The following SIRT6 variants were observed in gnomAD, a reference collection of about 807,000 sequenced individuals.
The protein encoded by SIRT6 is NAD-dependent protein deacylase sirtuin-6.
In SIRT6, 21 loss-of-function variants were observed where a neutral mutation model predicts 33.6. That is an observed-to-expected ratio of 0.62 (90% CI 0.44 to 0.90). The LOEUF is 0.90. SIRT6 is among the 40% of genes least tolerant of loss of function. The pLI is 0.00. For missense variants in SIRT6, 504 were observed against 510.6 expected (o/e 0.99, Z 0.12); for synonymous variants, 221 against 223.9 (o/e 0.99, Z 0.12).
rs1463897144 is a variant in SIRT6, at chr19:4,174,375, A to G, written c.*242T>C. 1.0e-5 allele frequency: 4 copies of G among 395,580 alleles called. No individual in the cohort carries two copies. The highest frequency in any genetic ancestry group is 1.8e-5 in the Non-Finnish European group (4 of 223,932). The allele number at this position is 395,580 out of a possible 1,614,324, so 24.5% of individuals were successfully genotyped here. On this transcript the variant is annotated 3_prime_UTR_variant, in exon 8 of 8. Transcript: ENST00000337491. This position sits in a 1 kb window ranked among gnomAD's most constrained non-coding sequence, Gnocchi z 4.2. ...TCACCTCTGGACAACACAGCAAGTC[A>G]GAGGCTGGGGTGTGGCAGGGGCTCA...
rs1754089206 is a variant in SIRT6, at chr19:4,174,376, G to A, written c.*241C>T. 2 of 400,656 alleles carry A rather than the reference G, an allele frequency of 5.0e-6. No homozygotes were observed. Among genetic ancestry groups the A allele is most frequent in the Admixed American group, 4.0e-5 (1 of 24,754 alleles). 24.8% of individuals were successfully genotyped at this position (400,656 alleles called of 1,614,324 possible). ...CACCTCTGGACAACACAGCAAGTCA[G>A]AGGCTGGGGTGTGGCAGGGGCTCAC... On this transcript the variant is annotated 3_prime_UTR_variant, in exon 8 of 8. Transcript: ENST00000337491. This position sits in a 1 kb window ranked among gnomAD's most constrained non-coding sequence, Gnocchi z 4.2.
Position 4,174,687 on chromosome 19 carries a change from C to T in SIRT6, c.998G>A (p.Arg333Gln), listed in dbSNP as rs571169753. Residue 333 changes from arginine (R) to glutamine (Q), a missense_variant, in exon 8 of 8, where the codon CGG becomes CAG. Coordinates refer to ENST00000337491, the MANE Select transcript of SIRT6 (RefSeq NM_016539.4). The surrounding 1 kb of genome is among the most constrained non-coding windows in gnomAD (Gnocchi z 4.2). ...GGGGGCAGGGCTGGTGGGCCGCTCC[C>T]GTTTGGGGCTGGCGGGCTCTGAGCC... ...HNGSEPASPK[R>Q]ERPTSPAPHR... The T allele has an allele frequency of 6.2e-6, 9 of 1,461,778 alleles. No homozygotes were observed. The highest frequency in any genetic ancestry group is 4.9e-5 in the East Asian group (2 of 40,508). 90.6% of individuals were successfully genotyped at this position (1,461,778 alleles called of 1,614,324 possible).
chr19:4,182,466 G>C lies in SIRT6; in HGVS notation c.66+8C>G. ...GGCGCGATGCTCGGGACCCTCAGAC[G>C]CGCTCACCTCCGGGAGGCCGCACTT... On this transcript the variant is annotated splice_region_variant and intron_variant, in intron 1 of 7. Transcript: ENST00000337491. The C allele has an allele frequency of 6.2e-7, 1 of 1,607,748 alleles. No homozygotes were observed.
intron 6 of SIRT6, 67 bp downstream of exon 6, chr19:4,175,613 C>T: frequency 7.2e-7 from 1 of 1,385,230 alleles, no homozygotes; most frequent in Middle Eastern, 2.5e-4. Context: ...CATGCTGGAG[C>T]TGGCTGTGTT....
In SIRT6 at chr19:4,180,896, G is replaced by A. The variant is rs200217515; in HGVS notation, c.80C>T (p.Pro27Leu). The A allele has an allele frequency of 1.2e-5, 19 of 1,611,040 alleles. No individual in the cohort carries two copies. Among genetic ancestry groups the A allele is most frequent in the South Asian group, 2.2e-5 (2 of 90,718 alleles). ...CCACACCTTCCGCTCCAGCTCCTCC[G>A]GGGGGTCGAAGATCTGTGGGGGGAG... is the stretch of plus-strand genomic sequence containing the variant. ...KCGLPEIFDPPEELERKVWEL... is the reference protein window; with the variant it reads ...KCGLPEIFDPLEELERKVWEL... Residue 27 changes from proline (P) to leucine (L), a missense_variant, in exon 2 of 8, where the codon CCG becomes CTG. Physicochemically the swap from Pro to Leu is moderately conservative, Grantham distance 98. Coordinates refer to ENST00000337491, the MANE Select transcript of SIRT6 (RefSeq NM_016539.4).
At chr19:4,175,645 C>T in intron 6 of SIRT6, 35 bp downstream of exon 6, 1 of 1,468,540 alleles carries the variant, frequency 6.8e-7, no homozygotes, top group Admixed American at 2.6e-5. Flanking sequence ...CCCGCCCCGC[C>T]CCACCATGGG....
chr19:4,180,221 C>T (rs951619204), intron 2 of SIRT6, among the ~76,000 whole-genome samples: 6 of 150,686 alleles, frequency 4.0e-5, no homozygotes, highest in African/African-American at 9.8e-5. Flanking sequence ...TCTCCCACCT[C>T]GGCCTTCCAA....
chr19:4,175,103 G>A lies in SIRT6; in HGVS notation c.663C>T (p.Pro221=), dbSNP rs374363809. The A allele has an allele frequency of 6.3e-7, 1 of 1,585,154 alleles. No individual in the cohort carries two copies. ...TGGTAGCCAGCGGCAGGTTCCCGCTGGGCCGGATCTGCAGCGATGTACCCA... is the reference window on the plus strand; with the variant it reads ...TGGTAGCCAGCGGCAGGTTCCCGCTAGGCCGGATCTGCAGCGATGTACCCA... ...ITLGTSLQIR[P]SGNLPLATKR... The change falls in exon 7 of 8, where the codon CCC becomes CCT. Residue 221 remains proline (P), a synonymous_variant. Coordinates refer to ENST00000337491, the MANE Select transcript of SIRT6 (RefSeq NM_016539.4).
chr19:4,180,239 C>T (rs571415499), intron 2 of SIRT6, among the ~76,000 whole-genome samples: 3 of 150,984 alleles, frequency 2.0e-5, no homozygotes, highest in African/African-American at 7.3e-5. Flanking sequence ...CAAGTAGCTG[C>T]GATTACAGGT....
rs199587590 is a variant in SIRT6, at chr19:4,179,181, C to A, written c.300G>T (p.Gln100His). The change falls in exon 3 of 8, where the codon CAG (glutamine) becomes CAT (histidine). Residue 100 changes from glutamine (Q) to histidine (H), a missense_variant. Transcript: ENST00000337491. Reference protein sequence around the residue: ...RPTQTHMALVQLERVGLLRFL... With the variant: ...RPTQTHMALVHLERVGLLRFL... ...AGCGGAGGAGGCCCACGCGCTCCAG[C>A]TGCACCAGCGCCATGTGGGTCTGCG... 6 of 1,612,158 alleles carry A rather than the reference C, an allele frequency of 3.7e-6. No individual in the cohort carries two copies. The highest frequency in any genetic ancestry group is 1.1e-5 in the South Asian group (1 of 90,738).
At position 4,174,604 on chromosome 19, in the gene SIRT6, C is replaced by T. The variant is rs201767497; in HGVS notation, c.*13G>A. On this transcript the variant is annotated 3_prime_UTR_variant, in exon 8 of 8. Transcript: ENST00000337491. The surrounding 1 kb of genome is among the most constrained non-coding windows in gnomAD (Gnocchi z 4.2). ...GTTTCTACAAAAAGCCCCACCCTCC[C>T]CAAGCACCCTGGTCAGCTGGGGACC... The T allele has an allele frequency of 1.7e-4, 242 of 1,426,212 alleles. No homozygotes were observed. Among genetic ancestry groups the T allele is most frequent in the Non-Finnish European group, 2.1e-4 (230 of 1,087,754 alleles). The allele number at this position is 1,426,212 out of a possible 1,614,324, so 88.3% of individuals were successfully genotyped here.
In SIRT6 at chr19:4,174,985, G is replaced by A. The variant is rs200478062; in HGVS notation, c.739-39C>T. ...GGACGGGTCAGGCGTGGGGGACAGA[G>A]GGTGCATGGTGGCCCTGGGCAGGGG... On this transcript the variant is annotated intron_variant, in intron 7 of 7. Transcript: ENST00000337491. This position sits in a 1 kb window ranked among gnomAD's most constrained non-coding sequence, Gnocchi z 4.2. 1,148 of 1,608,434 alleles carry A rather than the reference G, an allele frequency of 7.1e-4. 2 individuals carry two copies. The highest frequency in any genetic ancestry group is 1.1e-3 in the South Asian group (103 of 90,242).
chr19:4,175,798 C>T lies in SIRT6; in HGVS notation c.534-38G>A, dbSNP rs374156705. The T allele has an allele frequency of 1.7e-5, 27 of 1,553,796 alleles. No homozygotes were observed. In the African/African-American group the frequency reaches 3.1e-4, roughly 18 times the overall value. ...AGCTGAGGAGAGTCCTCAGGGGCCT[C>T]GCAGCCTCCCCTGGAGCCCAGGGCA... On this transcript the variant is annotated intron_variant, in intron 5 of 7. Coordinates refer to ENST00000337491, the MANE Select transcript of SIRT6 (RefSeq NM_016539.4).
intron 3 of SIRT6, among the ~76,000 whole-genome samples, chr19:4,177,742 C>T (rs1219148320): frequency 1.3e-5 from 2 of 152,006 alleles, no homozygotes; most frequent in East Asian, 3.9e-4. Flanking sequence ...AGGCGCCCGC[C>T]ACCACGCCGG....
Position 4,175,794 on chromosome 19 carries a change from G to C in SIRT6, c.534-34C>G, listed in dbSNP as rs771850644. 1.9e-6 allele frequency: 3 copies of C among 1,553,282 alleles called. No homozygotes were observed. The African/African-American group carries it at 4.1e-5, about 21-fold the overall frequency. On this transcript the variant is annotated intron_variant, in intron 5 of 7. Coordinates refer to ENST00000337491, the MANE Select transcript of SIRT6 (RefSeq NM_016539.4). ...AGGAAGCTGAGGAGAGTCCTCAGGG[G>C]CCTCGCAGCCTCCCCTGGAGCCCAG...
chr19:4,182,247 A>G (rs1231682458), intron 1 of SIRT6: 1 of 513,444 alleles, frequency 1.9e-6, no homozygotes, highest in South Asian at 2.6e-5. Context: ...TCCTGGAACT[A>G]CATCCCCTCT....
chr19:4,174,817 G>GGCCCCCCCCCCCCCCCCCCC lies in SIRT6; in HGVS notation c.867_868insGGGGGGGGGGGGGGGGGGGC (p.Pro290GlyfsTer66). 2.2e-6 allele frequency: 1 copy of GGCCCCCCCCCCCCCCCCCCC among 447,534 alleles called. No homozygotes were observed. The highest frequency in any genetic ancestry group is 4.4e-6 in the Non-Finnish European group (1 of 229,040). 27.7% of individuals were successfully genotyped at this position (447,534 alleles called of 1,614,324 possible). A position where few individuals can be genotyped will look rare whatever the true frequency, so the allele number is the denominator to read the frequency against. On this transcript the variant is annotated frameshift_variant, in exon 8 of 8. Coordinates refer to ENST00000337491, the MANE Select transcript of SIRT6 (RefSeq NM_016539.4). LOFTEE classifies it low-confidence loss of function (END_TRUNC). This position sits in a 1 kb window ranked among gnomAD's most constrained non-coding sequence, Gnocchi z 4.2. ...TCCAGCTTGGGGGTGGGCGGGCGGG[G>GGCCCCCCCCCCCCCCCCCCC]CAGGGGTGGCAGCGCCCTCTCCAGC...
chr19:4,174,599 C>T lies in SIRT6; in HGVS notation c.*18G>A, dbSNP rs746092089. ...CCACAGTTTCTACAAAAAGCCCCACCCTCCCCAAGCACCCTGGTCAGCTGG... is the reference window on the plus strand; with the variant it reads ...CCACAGTTTCTACAAAAAGCCCCACTCTCCCCAAGCACCCTGGTCAGCTGG... On this transcript the variant is annotated 3_prime_UTR_variant, in exon 8 of 8. Coordinates refer to ENST00000337491, the MANE Select transcript of SIRT6 (RefSeq NM_016539.4). The surrounding 1 kb of genome is among the most constrained non-coding windows in gnomAD (Gnocchi z 4.2). 7.0e-7 allele frequency: 1 copy of T among 1,421,208 alleles called. No homozygotes were observed. Among genetic ancestry groups the T allele is most frequent in the Admixed American group, 3.2e-5 (1 of 31,438 alleles). 88.0% of individuals were successfully genotyped at this position (1,421,208 alleles called of 1,614,324 possible).
chr19:4,175,611 A>G, intron 6 of SIRT6, 69 bp downstream of exon 6: 1 of 1,377,838 alleles, frequency 7.3e-7, no homozygotes, highest in Non-Finnish European at 9.6e-7. Context: ...CCCATGCTGG[A>G]GCTGGCTGTG....
Sources: allele counts gnomAD v4.1 joint callset (sites outside exome capture counted in the v4.1 genomes callset), GRCh38; gene constraint gnomAD v4.1.1; non-coding constraint Gnocchi (gnomAD v3.1); transcripts MANE v1.5; gene names NCBI Gene and HGNC (gene_info 2026-07-23, HGNC 2026-07-21).